Variants in MAP3K8 observed in about 807,000 individuals in gnomAD.
MAP3K8 encodes mitogen-activated protein kinase kinase kinase 8.
MAP3K8 carries 22 observed loss-of-function variants against 45.8 expected under a neutral mutation model. The observed-to-expected ratio is 0.48, with a 90% CI of 0.34 to 0.69. The LOEUF is 0.69. Ranked by LOEUF, MAP3K8 falls within the 30% of genes least tolerant of loss-of-function variation. MAP3K8 has a pLI of 0.01. For missense variants in MAP3K8, 419 were observed against 585.0 expected (o/e 0.72, Z 2.93); for synonymous variants, 223 against 214.3 (o/e 1.04, Z -0.36).
In MAP3K8 at chr10:30,444,975, C is replaced by T. The variant is rs1427219505; in HGVS notation, c.337-2807C>T. On this transcript the variant is annotated intron_variant, in intron 3 of 8. Coordinates refer to ENST00000263056, the MANE Select transcript of MAP3K8 (RefSeq NM_005204.4). ...AATGGAGATAAAAATAGTAGTTAAG[C>T]TCAGACTATTGTAGACTTCGATGAG... is the stretch of plus-strand genomic sequence containing the variant. 2.6e-5 allele frequency among the ~76,000 whole-genome samples: 4 copies of T among 152,176 alleles called. No individual in the cohort carries two copies. The East Asian group carries it at 7.7e-4, about 29-fold the overall frequency.
At chr10:30,460,664 C>T (rs1374938490) in intron 8 of MAP3K8, 42 bp from the exon 9 acceptor site, 1 of 1,531,286 alleles carries the variant, frequency 6.5e-7, no homozygotes, top group African/African-American at 1.4e-5. Context: ...TATCATTTGA[C>T]ACGTTTTCTT....
intron 3 of MAP3K8, 140 bp downstream of exon 3, chr10:30,439,414 A>G: frequency 7.2e-7 from 1 of 1,397,196 alleles, no homozygotes; most frequent in South Asian, 1.7e-5. Flanking sequence ...AGTAAGAAGT[A>G]CTTCCATGTT....
chr10:30,439,932 CTAAT>C (rs1411047735), intron 3 of MAP3K8, among the ~76,000 whole-genome samples: 2 of 152,240 alleles, frequency 1.3e-5, no homozygotes, highest in Non-Finnish European at 1.5e-5. Context: ...CACTTTGTCA[CTAAT>C]TAATCTTGAA....
chr10:30,448,905 C>A (rs1836440140), intron 4 of MAP3K8, among the ~76,000 whole-genome samples: 1 of 152,130 alleles, frequency 6.6e-6, no homozygotes, highest in African/African-American at 2.4e-5. Context: ...TATGTGGTAG[C>A]ATGTTCATAT....
rs2132841250 is a variant in MAP3K8, at chr10:30,461,002, T to C, written c.*166T>C. On this transcript the variant is annotated 3_prime_UTR_variant, in exon 9 of 9. Coordinates refer to ENST00000263056, the MANE Select transcript of MAP3K8 (RefSeq NM_005204.4). ...TCCAAGCGGCCCTGTGTGTTTGACA[T>C]GTGAAGCTATTTGATATGCACCAGG... is the stretch of plus-strand genomic sequence containing the variant. 1 of 696,728 alleles carries C rather than the reference T, an allele frequency of 1.4e-6. No homozygotes were observed. The highest frequency in any genetic ancestry group is 3.3e-5 in the Admixed American group (1 of 30,210). 43.2% of individuals were successfully genotyped at this position (696,728 alleles called of 1,614,324 possible).
At chr10:30,448,036 T>G in intron 4 of MAP3K8, 87 bp downstream of exon 4, 2 of 1,253,256 alleles carry the variant, frequency 1.6e-6, no homozygotes, top group Non-Finnish European at 2.2e-6. Context: ...ACCAAAGGTT[T>G]TTATCGTTTG....
chr10:30,439,520 T>C, intron 3 of MAP3K8: 1 of 936,556 alleles, frequency 1.1e-6, no homozygotes, highest in South Asian at 2.0e-5. Context: ...TTAAGAAGAA[T>C]GTATTTTGGC....
intron 7 of MAP3K8, among the ~76,000 whole-genome samples, chr10:30,458,932 T>C (rs1422866722): frequency 6.6e-6 from 1 of 151,980 alleles, no homozygotes; most frequent in African/African-American, 2.4e-5. Flanking sequence ...AAAAATTAGC[T>C]AGGTGTGGTG....
chr10:30,441,678 G>A (rs1227557505), intron 3 of MAP3K8, among the ~76,000 whole-genome samples: 1 of 152,138 alleles, frequency 6.6e-6, no homozygotes, highest in Non-Finnish European at 1.5e-5. Flanking sequence ...GGCTGCGGTT[G>A]ACTTTCCTGC....
At chr10:30,457,124 AGCCACCAT>A (rs1836761018) in intron 6 of MAP3K8, among the ~76,000 whole-genome samples, 2 of 151,566 alleles carry the variant, frequency 1.3e-5, no homozygotes, top group Admixed American at 1.3e-4. Context: ...TATAGACATG[AGCCACCAT>A]GCCCCACCTC....
At chr10:30,442,572 T>C (rs913886088) in intron 3 of MAP3K8, among the ~76,000 whole-genome samples, 14 of 152,194 alleles carry the variant, frequency 9.2e-5, no homozygotes, top group Non-Finnish European at 4.4e-5. Context: ...TTGTTAAAGA[T>C]CCCACCAACA....
chr10:30,439,355 A>G (rs756412958), intron 3 of MAP3K8, 81 bp downstream of exon 3: 50 of 1,568,316 alleles, frequency 3.2e-5, no homozygotes, highest in Non-Finnish European at 4.1e-5. Context: ...TGGTGTTTGA[A>G]TTTGGCTTAG....
intron 3 of MAP3K8, 112 bp from the exon 4 acceptor site, chr10:30,447,670 C>G (rs1836387353): frequency 1.2e-6 from 1 of 805,398 alleles, no homozygotes; most frequent in Non-Finnish European, 2.2e-6. Context: ...ACATTAATTT[C>G]ATAACTGTGT....
At chr10:30,443,063 A>C (rs1836169058) in intron 3 of MAP3K8, among the ~76,000 whole-genome samples, 1 of 152,196 alleles carries the variant, frequency 6.6e-6, no homozygotes, top group African/African-American at 2.4e-5. Context: ...ACCAAAATTC[A>C]TCTCTGACCG....
chr10:30,450,819 C>G (rs1389689124), intron 5 of MAP3K8, among the ~76,000 whole-genome samples: 1 of 148,874 alleles, frequency 6.7e-6, no homozygotes, highest in Non-Finnish European at 1.5e-5. Context: ...CGGTGGCTCA[C>G]GCCTGTAATC....
At position 30,458,268 on chromosome 10, in the gene MAP3K8, CGG is replaced by C; in HGVS notation, c.1026+40_1026+41del. 1.8e-5 allele frequency: 8 copies of C among 439,376 alleles called. 1 individual carries two copies. The highest frequency in any genetic ancestry group is 2.6e-5 in the Non-Finnish European group (7 of 269,040). The allele number at this position is 439,376 out of a possible 1,614,324, so 27.2% of individuals were successfully genotyped here. Reference sequence around the variant, plus strand: ...GGGGTTCAACCAGGGCTGGGGGCGGCGGGGGGGGGCGTTGAGTTATGCATCCC... The same window carrying C: ...GGGGTTCAACCAGGGCTGGGGGCGGCGGGGGGGCGTTGAGTTATGCATCCC... On this transcript the variant is annotated intron_variant, in intron 7 of 8. Transcript: ENST00000263056.
chr10:30,447,523 A>G (rs1836382088), intron 3 of MAP3K8, among the ~76,000 whole-genome samples: 2 of 152,140 alleles, frequency 1.3e-5, no homozygotes, highest in African/African-American at 2.4e-5. Flanking sequence ...TTAAAGTTCT[A>G]TTTGGCAATT....
At chr10:30,434,972 G>A (rs8177049) in intron 1 of MAP3K8, among the ~76,000 whole-genome samples, 3,792 of 152,292 alleles carry the variant, frequency 0.025, 88 homozygotes, top group Non-Finnish European at 0.038. Flanking sequence ...ACGAAGGCTG[G>A]GCTTTTGGTC....
Position 30,461,247 on chromosome 10 carries a change from T to C in MAP3K8, c.*411T>C, listed in dbSNP as rs1836930920. ...CTCAGAATAGCTGTTTTGTGTATAT[T>C]GGTGTATATTATATAACTCTTTGAG... On this transcript the variant is annotated 3_prime_UTR_variant, in exon 9 of 9. Transcript: ENST00000263056. 2 of 225,984 alleles carry C rather than the reference T, an allele frequency of 8.9e-6. No homozygotes were observed. Among genetic ancestry groups the C allele is most frequent in the South Asian group, 3.4e-4 (2 of 5,842 alleles). The allele number at this position is 225,984 out of a possible 1,614,324, so 14.0% of individuals were successfully genotyped here.
Sources: gnomAD v4.1 joint callset for allele counts (sites outside exome capture counted in the v4.1 genomes callset) on GRCh38, gnomAD v4.1.1 for gene constraint, MANE v1.5 for transcripts, NCBI Gene and HGNC (gene_info 2026-07-23, HGNC 2026-07-21) for gene names.